Variants in TBC1D23 observed in about 807,000 individuals in gnomAD.
The protein encoded by TBC1D23 is HCV non-structural protein 4A-transactivated protein 1.
TBC1D23 carries 55 observed loss-of-function variants against 91.4 expected under a neutral mutation model. The ratio of observed to expected loss-of-function variants is 0.60; its 90% confidence interval spans 0.48 to 0.75. The LOEUF is 0.75. TBC1D23 is among the 30% of genes least tolerant of loss of function. TBC1D23 has a pLI of 0.00. For synonymous variants in TBC1D23, 289 were observed against 281.0 expected (o/e 1.03, Z -0.28); for missense variants, 725 against 836.1 (o/e 0.87, Z 1.64).
At chr3:100,315,154 C>CTTTTT (rs397705981) in intron 15 of TBC1D23, among the ~76,000 whole-genome samples, 24 of 73,666 alleles carry the variant, frequency 3.3e-4, no homozygotes, top group Middle Eastern at 0.012. Context: ...GAGGCAGATT[C>CTTTTT]TTTTTTTTTT....
intron 10 of TBC1D23, among the ~76,000 whole-genome samples, chr3:100,299,684 T>C (rs940920512): frequency 6.6e-6 from 1 of 152,194 alleles, no homozygotes; most frequent in Non-Finnish European, 1.5e-5. Flanking sequence ...TAATTTTTTG[T>C]ATTTTTAGTA....
intron 16 of TBC1D23, 149 bp downstream of exon 16, chr3:100,316,336 T>A (rs547539848): frequency 1.5e-6 from 1 of 652,210 alleles, no homozygotes; most frequent in African/African-American, 1.8e-5. Context: ...ATTAAGAGTT[T>A]GGTTTTAGAC....
intron 13 of TBC1D23, among the ~76,000 whole-genome samples, chr3:100,309,648 G>A (rs1014869511): frequency 6.6e-5 from 8 of 121,564 alleles, no homozygotes; most frequent in Admixed American, 1.0e-4. Flanking sequence ...GTCTCGCTCT[G>A]TCGCGCAGAC....
intron 2 of TBC1D23, among the ~76,000 whole-genome samples, chr3:100,280,174 A>G (rs1445167377): frequency 6.6e-6 from 1 of 152,026 alleles, no homozygotes. Flanking sequence ...GGCTACAGTG[A>G]GCCGAGATAG....
In TBC1D23 at chr3:100,279,604, A is replaced by G. The variant is rs761977735; in HGVS notation, c.54-45A>G. 4.2e-4 allele frequency: 535 copies of G among 1,261,900 alleles called. 1 individual carries two copies. Among genetic ancestry groups the G allele is most frequent in the Non-Finnish European group, 5.6e-4 (498 of 895,320 alleles). 78.2% of individuals were successfully genotyped at this position (1,261,900 alleles called of 1,614,324 possible). The stretch of plus-strand genomic sequence containing the variant: ...TATAAATGAATCTTGAATAAGAAAA[A>G]GTATGAGATAAAGTTCATTTTAATA... On this transcript the variant is annotated intron_variant, in intron 1 of 18. Coordinates refer to ENST00000394144, the MANE Select transcript of TBC1D23 (RefSeq NM_001199198.3).
At chr3:100,293,259 G>T (rs1576171502) in intron 5 of TBC1D23, among the ~76,000 whole-genome samples, 1 of 152,028 alleles carries the variant, frequency 6.6e-6, no homozygotes, top group Admixed American at 6.6e-5. Flanking sequence ...TCAGCCTCCC[G>T]AGTAGTTGGC....
rs774825112 is a variant in TBC1D23 at position 100,320,893 on chromosome 3, A to G, written c.1940A>G (p.Lys647Arg). Reference sequence around the variant, plus strand: ...AATTCTGTAGTTAAAATTACATCCAAAAAAAAACATCCTGAACTCATTACC... The same window carrying G: ...AATTCTGTAGTTAAAATTACATCCAGAAAAAAACATCCTGAACTCATTACC... ...ALNSVVKITS[K>R]KKHPELITFK... Residue 647 changes from lysine (K) to arginine (R), a missense_variant, in exon 18 of 19, where the codon AAA (lysine) becomes AGA (arginine). Lys to Arg is a conservative substitution (Grantham distance 26, BLOSUM62 2). Transcript: ENST00000394144. 3 of 1,613,028 alleles carry G rather than the reference A, an allele frequency of 1.9e-6. No individual in the cohort carries two copies. Among genetic ancestry groups the G allele is most frequent in the South Asian group, 1.1e-5 (1 of 90,894 alleles).
chr3:100,304,845 GA>G lies in TBC1D23; in HGVS notation c.1268del (p.Asn423ThrfsTer5). The G allele has an allele frequency of 1.4e-6, 2 of 1,470,172 alleles. No individual in the cohort carries two copies. Among genetic ancestry groups the G allele is most frequent in the South Asian group, 1.2e-5 (1 of 86,546 alleles). The allele number at this position is 1,470,172 out of a possible 1,614,324, so 91.1% of individuals were successfully genotyped here. On this transcript the variant is annotated frameshift_variant and splice_region_variant, in exon 12 of 19. Transcript: ENST00000394144. LOFTEE classifies it high-confidence loss of function. The part of the protein sequence containing the change: ...MNMVLAHFLQ[K>X]NKEYVSIASG... ...AATTTAAATTTTCTTTTCCATTACA[GA>G]AAAACAAAGAATATGTGAGTATTGC...
chr3:100,305,962 A>T (rs1705510041), intron 12 of TBC1D23, among the ~76,000 whole-genome samples: 1 of 152,206 alleles, frequency 6.6e-6, no homozygotes, highest in Non-Finnish European at 1.5e-5. Context: ...AAAATTTTTT[A>T]AAACCATGAA....
At chr3:100,263,519 C>T in intron 1 of TBC1D23, among the ~76,000 whole-genome samples, 1 of 152,176 alleles carries the variant, frequency 6.6e-6, no homozygotes, top group African/African-American at 2.4e-5. Context: ...ATGAGAACTA[C>T]CTGGTTGGAG....
intron 4 of TBC1D23, among the ~76,000 whole-genome samples, chr3:100,284,331 TA>T (rs1395737482): frequency 6.6e-6 from 1 of 151,816 alleles, no homozygotes; most frequent in Admixed American, 6.6e-5. Context: ...AAAAATAATT[TA>T]AAAATTAAAA....
chr3:100,265,583 T>G (rs2067551132), intron 1 of TBC1D23, among the ~76,000 whole-genome samples: 1 of 152,232 alleles, frequency 6.6e-6, no homozygotes, highest in Non-Finnish European at 1.5e-5. Flanking sequence ...GATTTGAACA[T>G]ATGTTCTCAT....
At position 100,287,785 on chromosome 3, in the gene TBC1D23, AT is replaced by A. The variant is rs888013508; in HGVS notation, c.477-2784del. Among the ~76,000 whole-genome samples, 7 of 151,134 alleles carry A rather than the reference AT, an allele frequency of 4.6e-5. No individual in the cohort carries two copies. In the East Asian group the frequency reaches 7.8e-4, roughly 17 times the overall value. The stretch of plus-strand genomic sequence containing the variant: ...TTCCCTTTAAATTACATTGTAAAAC[AT>A]TTTTTTTTCTTTTTTGATAACAAGA... On this transcript the variant is annotated intron_variant, in intron 4 of 18. Coordinates refer to ENST00000394144, the MANE Select transcript of TBC1D23 (RefSeq NM_001199198.3).
chr3:100,262,184 C>T (rs543470974), intron 1 of TBC1D23, among the ~76,000 whole-genome samples: 2 of 151,876 alleles, frequency 1.3e-5, no homozygotes, highest in Admixed American at 1.3e-4. Flanking sequence ...TTTTTTTCTT[C>T]AACTTGCTTA....
rs371290332 is a variant in TBC1D23 at position 100,293,161 on chromosome 3, G to A, written c.601-1926G>A. 5.2e-3 allele frequency among the ~76,000 whole-genome samples: 789 copies of A among 151,422 alleles called. 13 individuals are homozygous for A. The highest frequency in any genetic ancestry group is 0.017 in the African/African-American group (719 of 41,268). Reference sequence around the variant, plus strand: ...TATTTATTTATTTATTTTGTGAGACGGAGTCTCTTTCACCCAGACTGGAGT... The same window carrying A: ...TATTTATTTATTTATTTTGTGAGACAGAGTCTCTTTCACCCAGACTGGAGT... On this transcript the variant is annotated intron_variant, in intron 5 of 18. Transcript: ENST00000394144.
rs1705922960 is a variant in TBC1D23, at chr3:100,324,813, T to G, written c.*1145T>G. 1 of 152,158 alleles carries G rather than the reference T, an allele frequency of 6.6e-6. No individual in the cohort carries two copies. Among genetic ancestry groups the G allele is most frequent in the Non-Finnish European group, 1.5e-5 (1 of 68,010 alleles). The allele number at this position is 152,158 out of a possible 1,614,324, so 9.4% of individuals were successfully genotyped here. ...TGGAATAGTATTTTGTAAAATCCATTTGGGAAGTTGCAATACCCACAATCT... is the reference window on the plus strand; with the variant it reads ...TGGAATAGTATTTTGTAAAATCCATGTGGGAAGTTGCAATACCCACAATCT... On this transcript the variant is annotated 3_prime_UTR_variant, in exon 19 of 19. Transcript: ENST00000394144.
At position 100,279,534 on chromosome 3, in the gene TBC1D23, G is replaced by A. The variant is rs1345535636; in HGVS notation, c.54-115G>A. 4.8e-6 allele frequency: 3 copies of A among 628,310 alleles called. No homozygotes were observed. The African/African-American group carries it at 5.5e-5, about 12-fold the overall frequency. The allele number at this position is 628,310 out of a possible 1,614,324, so 38.9% of individuals were successfully genotyped here. A position where few individuals can be genotyped will look rare whatever the true frequency, so the allele number is the denominator to read the frequency against. The stretch of plus-strand genomic sequence containing the variant: ...TATACCTTGGCATTACATTTTGGTT[G>A]CTGAGAACTTTTGTTTCTTAGACAA... On this transcript the variant is annotated intron_variant, in intron 1 of 18. Coordinates refer to ENST00000394144, the MANE Select transcript of TBC1D23 (RefSeq NM_001199198.3).
intron 11 of TBC1D23, among the ~76,000 whole-genome samples, chr3:100,304,124 A>T (rs1475138808): frequency 6.6e-6 from 1 of 152,094 alleles, no homozygotes; most frequent in East Asian, 1.9e-4. Flanking sequence ...GTTCCTTTTT[A>T]AAATTTTTTC....
Position 100,323,726 on chromosome 3 carries a change from A to C in TBC1D23, c.*58A>C. On this transcript the variant is annotated 3_prime_UTR_variant, in exon 19 of 19. Coordinates refer to ENST00000394144, the MANE Select transcript of TBC1D23 (RefSeq NM_001199198.3). ...ACAACCAAGAGAAACATGGACATATACCTCCTGACTGAATACTAACTGGAG... is the reference window on the plus strand; with the variant it reads ...ACAACCAAGAGAAACATGGACATATCCCTCCTGACTGAATACTAACTGGAG... The C allele has an allele frequency of 2.5e-6, 2 of 810,006 alleles. No individual in the cohort carries two copies. Among genetic ancestry groups the C allele is most frequent in the Non-Finnish European group, 3.5e-6 (2 of 565,280 alleles). 50.2% of individuals were successfully genotyped at this position (810,006 alleles called of 1,614,324 possible). A position where few individuals can be genotyped will look rare whatever the true frequency, so the allele number is the denominator to read the frequency against.
Sources: allele counts gnomAD v4.1 joint callset (sites outside exome capture counted in the v4.1 genomes callset), GRCh38; gene constraint gnomAD v4.1.1; transcripts MANE v1.5; gene names NCBI Gene and HGNC (gene_info 2026-07-23, HGNC 2026-07-21).